Variants in AP3D1 observed in about 807,000 individuals in gnomAD.
AP3D1 encodes the protein adaptor related protein complex 3 subunit delta 1, also known as AP-3 complex subunit delta-1.
AP3D1 carries 51 observed loss-of-function variants against 147.6 expected under a neutral mutation model. That is an observed-to-expected ratio of 0.35 (90% CI 0.28 to 0.44). The LOEUF (loss-of-function observed/expected upper bound fraction) is 0.44, where lower values mean the gene tolerates loss of function less well. AP3D1 is among the 20% of genes least tolerant of loss of function. AP3D1 has a pLI of 1.00. For missense variants in AP3D1, 1,421 were observed against 1,624.2 expected (o/e 0.87, Z 2.15); for synonymous variants, 760 against 663.0 (o/e 1.15, Z -2.25).
At chr19:2,111,019 G>C (rs1170893506) in intron 26 of AP3D1, 123 bp from the exon 27 acceptor site, 2 of 1,163,326 alleles carry the variant, frequency 1.7e-6, no homozygotes, top group African/African-American at 3.1e-5. Context: ...GGCACGGAGA[G>C]GGGCGCCCCC....
rs530519943 is a variant in AP3D1, at chr19:2,103,450, G to A, written c.3553-1182C>T. Among the ~76,000 whole-genome samples, 29 of 151,828 alleles carry A rather than the reference G, an allele frequency of 1.9e-4. No individual in the cohort carries two copies. The East Asian group carries it at 5.6e-3, about 29-fold the overall frequency. On this transcript the variant is annotated intron_variant, in intron 31 of 31. Transcript: ENST00000643116. ...CCACTGGGCCCCTGAAGTGACTGTG[G>A]AAGAAGCCAGTGGAGTGGGGTAACC...
intron 1 of AP3D1, among the ~76,000 whole-genome samples, chr19:2,148,959 G>C (rs1370667389): frequency 6.6e-6 from 1 of 152,068 alleles, no homozygotes. Flanking sequence ...TACAACATAC[G>C]GTCTATAGGA....
chr19:2,151,362 G>T lies in AP3D1; in HGVS notation c.-28C>A. The T allele has an allele frequency of 1.3e-6, 2 of 1,501,272 alleles. No individual in the cohort carries two copies. The highest frequency in any genetic ancestry group is 1.8e-6 in the Non-Finnish European group (2 of 1,116,376). 93.0% of individuals were successfully genotyped at this position (1,501,272 alleles called of 1,614,324 possible). On this transcript the variant is annotated 5_prime_UTR_variant, in exon 1 of 32. Transcript: ENST00000643116. ...CGGCGGCCCACGGGCTTTTGCCTCGGGAGGCCCGCGGCTGGGCGCCGTGAG... is the reference window on the plus strand; with the variant it reads ...CGGCGGCCCACGGGCTTTTGCCTCGTGAGGCCCGCGGCTGGGCGCCGTGAG...
At chr19:2,103,583 G>A (rs558007379) in intron 31 of AP3D1, among the ~76,000 whole-genome samples, 2 of 152,294 alleles carry the variant, frequency 1.3e-5, no homozygotes, top group South Asian at 4.1e-4. Context: ...GCAACCGAAG[G>A]CACTGAGTCC....
At chr19:2,142,768 CTTTTT>C (rs2019255806) in intron 1 of AP3D1, among the ~76,000 whole-genome samples, 1 of 141,680 alleles carries the variant, frequency 7.1e-6, no homozygotes, top group Admixed American at 7.0e-5. Context: ...TTTTTTTTTT[CTTTTT>C]TTATTTGAGA....
chr19:2,127,448 C>A (rs78943382), intron 8 of AP3D1, among the ~76,000 whole-genome samples: 1 of 152,220 alleles, frequency 6.6e-6, no homozygotes, highest in African/African-American at 2.4e-5. Context: ...CACGCAGGGA[C>A]GGACCACGCA....
At chr19:2,116,984 C>T (rs952287929) in intron 16 of AP3D1, 1 of 796,590 alleles carries the variant, frequency 1.3e-6, no homozygotes, top group Non-Finnish European at 1.9e-6. Context: ...TGCCTCAGAG[C>T]TTTATGGCAA....
chr19:2,138,699 G>C lies in AP3D1; in HGVS notation c.112C>G (p.Gln38Glu), dbSNP rs778090382. Residue 38 changes from glutamine to glutamate, a missense_variant, in exon 2 of 32, where the codon CAG becomes GAG. Around this residue, in one of 6 missense-constraint regions of AP3D1, gnomAD observed 292 missense variants for 412.0 expected, o/e 0.71. Transcript: ENST00000643116. The stretch of plus-strand genomic sequence containing the variant: ...TCCTGCTTGATCTCATCAATGCACT[G>C]AGATATGTATTTTGCCTATAATGGG... ...HKEDEAKYISQCIDEIKQELK... is the reference protein window; with the variant it reads ...HKEDEAKYISECIDEIKQELK... The C allele has an allele frequency of 6.2e-7, 1 of 1,613,012 alleles. No homozygotes were observed. The highest frequency in any genetic ancestry group is 1.1e-5 in the South Asian group (1 of 91,076).
chr19:2,152,491 C>T (rs568923744), upstream of AP3D1, among the ~76,000 whole-genome samples: 12 of 151,612 alleles, frequency 7.9e-5, no homozygotes, highest in Middle Eastern at 3.4e-3. Flanking sequence ...TGCAGTGAGC[C>T]GAGATGGCGC....
rs2018191003 is a variant in AP3D1 at position 2,109,068 on chromosome 19, G to GC, written c.3472+17dup. 1 of 1,607,328 alleles carries GC rather than the reference G, an allele frequency of 6.2e-7. No homozygotes were observed. Among genetic ancestry groups the GC allele is most frequent in the Non-Finnish European group, 8.5e-7 (1 of 1,178,060 alleles). ...CGTGAAAGCCCCGTGCAATCCATCA[G>GC]CCCCTCACTCTCCTTACCGGAAAAA... On this transcript the variant is annotated intron_variant, in intron 30 of 31. Transcript: ENST00000643116.
intron 9 of AP3D1, among the ~76,000 whole-genome samples, chr19:2,125,828 A>G (rs575636131): frequency 4.2e-4 from 57 of 137,070 alleles, no homozygotes; most frequent in African/African-American, 1.7e-3. Context: ...ATACCTAAGT[A>G]AAGCTAGAAA....
At chr19:2,111,131 C>G in intron 26 of AP3D1, 154 bp downstream of exon 26, 3 of 1,053,476 alleles carry the variant, frequency 2.8e-6, no homozygotes, top group Non-Finnish European at 4.1e-6. Flanking sequence ...TTACCCCAAG[C>G]CAGAGGTGCT....
chr19:2,112,866 C>A lies in AP3D1; in HGVS notation c.2781G>T (p.Gln927His), dbSNP rs2018324273. 6.2e-7 allele frequency: 1 copy of A among 1,610,962 alleles called. No homozygotes were observed. Among genetic ancestry groups the A allele is most frequent in the African/African-American group, 1.3e-5 (1 of 75,002 alleles). Residue 927 changes from glutamine (Q) to histidine (H), a missense_variant, in exon 24 of 32, where the codon CAG becomes CAT. Physicochemically the swap from Gln to His is conservative, Grantham distance 24. Coordinates refer to ENST00000643116, the MANE Select transcript of AP3D1 (RefSeq NM_001261826.3). ...GEEDDAEGQD[Q>H]DKKSPKPKKK... ...GGGGGAGTGACAGCCTCACCTTGTC[C>A]TGGTCTTGCCCCTCGGCATCGTCCT...
chr19:2,114,155 GTCTC>G lies in AP3D1; in HGVS notation c.2567_2570del (p.Arg856ThrfsTer42). The G allele has an allele frequency of 6.4e-7, 1 of 1,569,508 alleles. No individual in the cohort carries two copies. Among genetic ancestry groups the G allele is most frequent in the Non-Finnish European group, 8.6e-7 (1 of 1,156,942 alleles). On this transcript the variant is annotated frameshift_variant, in exon 22 of 32. Transcript: ENST00000643116. LOFTEE classifies it high-confidence loss of function. ...TCTCCTTCTCCTTCTTCTTCTCCTT[GTCTC>G]TCTCTTTCTCTTTGTGTTTTTTCTC...
At chr19:2,159,351 C>T (rs1182821979) in intron 1 of AP3D1, among the ~76,000 whole-genome samples, 6 of 149,448 alleles carry the variant, frequency 4.0e-5, no homozygotes, top group South Asian at 2.1e-4. Flanking sequence ...CCCGAGCAGC[C>T]GGGATTACAG....
At position 2,111,264 on chromosome 19, in the gene AP3D1, C is replaced by A. The variant is rs202184344; in HGVS notation, c.2985+21G>T. On this transcript the variant is annotated intron_variant, in intron 26 of 31. Transcript: ENST00000643116. Reference sequence around the variant, plus strand: ...GAGTGTGGGCTGGCCCACCCTGCCCCTGGGAGCGGCTGCCACTCACCATTT... The same window carrying A: ...GAGTGTGGGCTGGCCCACCCTGCCCATGGGAGCGGCTGCCACTCACCATTT... 126 of 1,613,634 alleles carry A rather than the reference C, an allele frequency of 7.8e-5. No homozygotes were observed. In the Middle Eastern group the frequency reaches 1.2e-3, roughly 15 times the overall value.
intron 6 of AP3D1, among the ~76,000 whole-genome samples, chr19:2,130,022 G>A (rs1201791009): frequency 6.6e-6 from 1 of 152,226 alleles, no homozygotes; most frequent in Non-Finnish European, 1.5e-5. Context: ...GCGTCCCGCA[G>A]TCACCACACC....
chr19:2,135,193 T>A (rs2145129593), intron 4 of AP3D1, among the ~76,000 whole-genome samples: 1 of 151,166 alleles, frequency 6.6e-6, no homozygotes, highest in South Asian at 2.1e-4. Flanking sequence ...AGAGCAAGAC[T>A]CCATCTCAAA....
intron 1 of AP3D1, among the ~76,000 whole-genome samples, chr19:2,146,736 C>A (rs181435599): frequency 6.6e-6 from 1 of 152,098 alleles, no homozygotes; most frequent in Non-Finnish European, 1.5e-5. Flanking sequence ...CGTGACAGCA[C>A]GGGGGACGAG....
Sources: allele counts gnomAD v4.1 joint callset (sites outside exome capture counted in the v4.1 genomes callset), GRCh38; gene constraint gnomAD v4.1.1; regional missense constraint gnomAD v4.1.1; transcripts MANE v1.5; gene names NCBI Gene and HGNC (gene_info 2026-07-23, HGNC 2026-07-21).